The following PHC3 variants were observed in gnomAD, a reference collection of about 807,000 sequenced individuals.
The protein encoded by PHC3 is polyhomeotic homolog 3, also known as polyhomeotic-like protein 3.
In PHC3, 13 loss-of-function variants were observed where a neutral mutation model predicts 107.4. The observed-to-expected ratio is 0.12, with a 90% CI of 0.08 to 0.19. The LOEUF (loss-of-function observed/expected upper bound fraction) is 0.19. PHC3 is among the 10% of genes least tolerant of loss of function. The pLI is 1.00. For missense variants in PHC3, 992 were observed against 1,210.9 expected, an observed-to-expected ratio of 0.82 and a Z score of 2.68; for synonymous variants, 456 against 427.4, an observed-to-expected ratio of 1.07 and a Z score of -0.83.
chr3:170,102,742 T>A, intron 13 of PHC3, 32 bp from the exon 14 acceptor site: 1 of 1,613,456 alleles, frequency 6.2e-7, no homozygotes, highest in Non-Finnish European at 8.5e-7. Context: ...AAATACAGCA[T>A]TGCACTTTCC....
chr3:170,165,095 T>C (rs1418984082), intron 4 of PHC3, among the ~76,000 whole-genome samples: 1 of 152,174 alleles, frequency 6.6e-6, no homozygotes, highest in Non-Finnish European at 1.5e-5. Context: ...TCCTTCTAGA[T>C]AGAGAGGCTT....
intron 9 of PHC3, among the ~76,000 whole-genome samples, chr3:170,119,830 TA>T (rs577407226): frequency 0.025 from 3,649 of 144,054 alleles, 115 homozygotes; most frequent in African/African-American, 0.074. Context: ...TGAGTTACTG[TA>T]AAAAAAAAAA....
rs1327436244 is a variant in PHC3 at position 170,172,728 on chromosome 3, T to A, written c.181-16A>T. ...GTTGAATTACCTGTGATAAGTCAAT[T>A]GAACCAATGTCAAACCATAATCTCA... On this transcript the variant is annotated splice_polypyrimidine_tract_variant and intron_variant, in intron 2 of 14. Transcript: ENST00000495893. 6.3e-7 allele frequency: 1 copy of A among 1,577,696 alleles called. No individual in the cohort carries two copies. Among genetic ancestry groups the A allele is most frequent in the Admixed American group, 1.9e-5 (1 of 53,908 alleles).
At chr3:170,119,404 C>T (rs1719746605) in intron 9 of PHC3, among the ~76,000 whole-genome samples, 1 of 152,122 alleles carries the variant, frequency 6.6e-6, no homozygotes, top group African/African-American at 2.4e-5. Flanking sequence ...ATAATGCTTG[C>T]TGTATATTCT....
At chr3:170,131,972 G>A (rs1285610826) in intron 7 of PHC3, among the ~76,000 whole-genome samples, 1 of 152,158 alleles carries the variant, frequency 6.6e-6, no homozygotes, top group African/African-American at 2.4e-5. Flanking sequence ...AGAAATCAAA[G>A]TGTGTTTATT....
chr3:170,104,860 T>G (rs570890256), intron 12 of PHC3, among the ~76,000 whole-genome samples: 3 of 152,356 alleles, frequency 2.0e-5, no homozygotes, highest in Non-Finnish European at 4.4e-5. Context: ...AGGTTTCTGA[T>G]TTCCATTTAT....
intron 6 of PHC3, among the ~76,000 whole-genome samples, chr3:170,143,003 G>C (rs1222657805): frequency 1.3e-5 from 2 of 151,958 alleles, no homozygotes; most frequent in African/African-American, 4.8e-5. Context: ...GCGAAACCCT[G>C]CCTCTACAGA....
intron 9 of PHC3, among the ~76,000 whole-genome samples, chr3:170,119,241 T>A (rs1044391964): frequency 1.3e-5 from 2 of 152,110 alleles, no homozygotes; most frequent in Non-Finnish European, 2.9e-5. Flanking sequence ...GAAGTAGGAC[T>A]GAAAGGCACT....
In PHC3 at chr3:170,139,869, G is replaced by T. The variant is rs1484928701; in HGVS notation, c.673-3204C>A. On this transcript the variant is annotated intron_variant, in intron 6 of 14. Transcript: ENST00000495893. ...GAAAACCCATCCTTTCTAAGAAGAA[G>T]AATATTAGGGCACTCTGGTGTCCCA... 5.0e-4 allele frequency among the ~76,000 whole-genome samples: 76 copies of T among 152,140 alleles called. 3 individuals are homozygous for T. Among genetic ancestry groups the T allele is most frequent in the Admixed American group, 4.6e-3 (71 of 15,282 alleles).
intron 4 of PHC3, among the ~76,000 whole-genome samples, chr3:170,157,682 C>T (rs1168002156): frequency 6.6e-6 from 1 of 152,122 alleles, no homozygotes; most frequent in East Asian, 1.9e-4. Flanking sequence ...AAATGATTTT[C>T]TCTCAGGTAA....
intron 2 of PHC3, chr3:170,177,065 T>A (rs552676546): frequency 2.4e-5 from 8 of 330,634 alleles, no homozygotes; most frequent in African/African-American, 1.5e-4. Context: ...ACTAAGTGAC[T>A]TCCTAGTTCA....
At chr3:170,154,712 T>A (rs562086054) in intron 4 of PHC3, among the ~76,000 whole-genome samples, 111 of 152,332 alleles carry the variant, frequency 7.3e-4, no homozygotes, top group African/African-American at 2.5e-3. Flanking sequence ...ACAAGTGTTG[T>A]GTTTACTTTT....
chr3:170,099,683 A>T (rs1355785189), intron 14 of PHC3, among the ~76,000 whole-genome samples: 1 of 152,176 alleles, frequency 6.6e-6, no homozygotes, highest in African/African-American at 2.4e-5. Flanking sequence ...GTCTGGCATC[A>T]CTTCTCCAGC....
At chr3:170,146,598 T>C (rs1411728341) in intron 5 of PHC3, among the ~76,000 whole-genome samples, 2 of 147,678 alleles carry the variant, frequency 1.4e-5, no homozygotes, top group African/African-American at 2.5e-5. Context: ...AGTCATGCGA[T>C]CTCAGCTCAC....
At position 170,113,349 on chromosome 3, in the gene PHC3, A is replaced by T. The variant is rs564701879; in HGVS notation, c.2353+11T>A. The T allele has an allele frequency of 6.3e-7, 1 of 1,589,596 alleles. No individual in the cohort carries two copies. The highest frequency in any genetic ancestry group is 1.4e-5 in the African/African-American group (1 of 73,964). Reference sequence around the variant, plus strand: ...TTAAATTAAAGGGTATCTTAAGTGAAACCCACAAACCTTCAGCAATCATGT... The same window carrying T: ...TTAAATTAAAGGGTATCTTAAGTGATACCCACAAACCTTCAGCAATCATGT... On this transcript the variant is annotated intron_variant, in intron 11 of 14. Coordinates refer to ENST00000495893, the MANE Select transcript of PHC3 (RefSeq NM_024947.4).
intron 5 of PHC3, among the ~76,000 whole-genome samples, 184 bp from the exon 6 acceptor site, chr3:170,145,705 C>A (rs560298571): frequency 6.6e-6 from 1 of 152,178 alleles, no homozygotes; most frequent in East Asian, 1.9e-4. Context: ...CAAAAAAAAT[C>A]ATAAACATTT....
chr3:170,120,414 C>T (rs553275331), intron 9 of PHC3, among the ~76,000 whole-genome samples: 3 of 151,922 alleles, frequency 2.0e-5, no homozygotes, highest in South Asian at 2.1e-4. Context: ...AGTGAAACCC[C>T]GTGTCCACTA....
At chr3:170,102,375 C>T (rs1715644976) in intron 14 of PHC3, 104 bp downstream of exon 14, 1 of 1,507,066 alleles carries the variant, frequency 6.6e-7, no homozygotes, top group Non-Finnish European at 8.9e-7. Context: ...TACATATACA[C>T]AGTACTTCTC....
At position 170,089,929 on chromosome 3, in the gene PHC3, G is replaced by GAAAAAAAAA. The variant is rs1203894075; in HGVS notation, c.*7292_*7300dup. ...GAACCCATCTCAAAAAAAAAAAAAA[G>GAAAAAAAAA]AAAAAAAAAAAAAAAGAAAGAAAGT... On this transcript the variant is annotated 3_prime_UTR_variant, in exon 15 of 15. Coordinates refer to ENST00000495893, the MANE Select transcript of PHC3 (RefSeq NM_024947.4). The GAAAAAAAAA allele has an allele frequency of 2.1e-4, 21 of 100,644 alleles. No individual in the cohort carries two copies. Among genetic ancestry groups the GAAAAAAAAA allele is most frequent in the South Asian group, 3.7e-4 (1 of 2,704 alleles). The allele number at this position is 100,644 out of a possible 1,614,324, so 6.2% of individuals were successfully genotyped here. A position where few individuals can be genotyped will look rare whatever the true frequency, so the allele number is the denominator to read the frequency against.
Sources: allele counts gnomAD v4.1 joint callset (sites outside exome capture counted in the v4.1 genomes callset), GRCh38; gene constraint gnomAD v4.1.1; transcripts MANE v1.5; gene names NCBI Gene and HGNC (gene_info 2026-07-23, HGNC 2026-07-21).